Variants in METAP1D observed in about 807,000 individuals in gnomAD.
The protein encoded by METAP1D is methionyl aminopeptidase type 1D, mitochondrial, also known as methionine aminopeptidase 1D, mitochondrial.
Under a neutral mutation model 40.5 loss-of-function variants are expected in METAP1D, and 31 were observed. The ratio of observed to expected loss-of-function variants is 0.77; its 90% CI spans 0.58 to 1.03. The LOEUF is 1.03. Among genes scored for constraint, METAP1D ranks in the 50% least tolerant of loss-of-function variants. The pLI, the probability that METAP1D is intolerant of heterozygous loss-of-function variation, is 0.00. For synonymous variants in METAP1D, 151 were observed against 146.4 expected, an observed-to-expected ratio of 1.03 and a Z score of -0.22; for missense variants, 411 against 420.7, an observed-to-expected ratio of 0.98 and a Z score of 0.20.
At chr2:172,040,933 G>C (rs1689506399) in intron 1 of METAP1D, among the ~76,000 whole-genome samples, 1 of 151,510 alleles carries the variant, frequency 6.6e-6, no homozygotes, top group South Asian at 2.1e-4. Flanking sequence ...TTTTAGTAGA[G>C]ACGCCCGGCT....
chr2:172,026,648 C>T (rs1260417062), intron 1 of METAP1D, among the ~76,000 whole-genome samples: 4 of 152,166 alleles, frequency 2.6e-5, no homozygotes, highest in Non-Finnish European at 4.4e-5. Context: ...TTCTTGCTCT[C>T]ATATCTTAGT....
chr2:172,077,992 A>T, intron 7 of METAP1D, 98 bp downstream of exon 7: 4 of 436,050 alleles, frequency 9.2e-6, no homozygotes, highest in African/African-American at 4.6e-5. Context: ...CTGCATTATC[A>T]ACCTTGTGTT....
chr2:172,067,768 T>C (rs1690319423), intron 5 of METAP1D, among the ~76,000 whole-genome samples: 2 of 152,336 alleles, frequency 1.3e-5, no homozygotes, highest in East Asian at 3.9e-4. Flanking sequence ...AGTTTTGTAT[T>C]TAACATTCAA....
At chr2:172,011,801 A>G (rs1460324239) in intron 1 of METAP1D, among the ~76,000 whole-genome samples, 1 of 152,150 alleles carries the variant, frequency 6.6e-6, no homozygotes, top group Non-Finnish European at 1.5e-5. Context: ...CATTTGGGTC[A>G]TTTCTACTTT....
intron 1 of METAP1D, among the ~76,000 whole-genome samples, chr2:172,013,483 G>A (rs1378480571): frequency 1.3e-5 from 2 of 152,192 alleles, no homozygotes; most frequent in Non-Finnish European, 2.9e-5. Flanking sequence ...AAGTGAGAGC[G>A]AAGTAGTGTG....
At chr2:172,017,226 G>A (rs1688887720) in intron 1 of METAP1D, among the ~76,000 whole-genome samples, 1 of 130,208 alleles carries the variant, frequency 7.7e-6, no homozygotes. Flanking sequence ...CTTGTTCCAT[G>A]AAAGGTTTTA....
intron 1 of METAP1D, among the ~76,000 whole-genome samples, chr2:172,048,812 TATG>T (rs1352180696): frequency 6.6e-6 from 1 of 152,158 alleles, no homozygotes; most frequent in Non-Finnish European, 1.5e-5. Flanking sequence ...AAACTTTAAA[TATG>T]AGATGATGAA....
chr2:172,032,765 A>C (rs1459517577), intron 1 of METAP1D, among the ~76,000 whole-genome samples: 1 of 152,162 alleles, frequency 6.6e-6, no homozygotes, highest in African/African-American at 2.4e-5. Flanking sequence ...ATTCTTGCCA[A>C]AAAAATTGAA....
chr2:172,067,546 TACCTAAAAC>T (rs1690313659), intron 5 of METAP1D, among the ~76,000 whole-genome samples: 1 of 152,212 alleles, frequency 6.6e-6, no homozygotes, highest in African/African-American at 2.4e-5. Context: ...TTATGAAGTA[TACCTAAAAC>T]AGAGTTCTTT....
chr2:172,000,110 G>T, intron 1 of METAP1D, 101 bp downstream of exon 1: 1 of 1,014,294 alleles, frequency 9.9e-7, no homozygotes, highest in Non-Finnish European at 1.3e-6. Context: ...ACTTCTCGGC[G>T]CACACGACTG....
At chr2:172,079,624 C>G (rs568666627) in intron 8 of METAP1D, among the ~76,000 whole-genome samples, 2 of 152,260 alleles carry the variant, frequency 1.3e-5, no homozygotes, top group South Asian at 4.1e-4. Flanking sequence ...CCTGGCTGAT[C>G]CTGTGATTGG....
Position 172,042,736 on chromosome 2 carries a change from T to TGTGTGTGTATATGTACACATATAC in METAP1D, c.41-18753_41-18730dup, listed in dbSNP as rs1689613770. Among the ~76,000 whole-genome samples, 6 of 45,118 alleles carry TGTGTGTGTATATGTACACATATAC rather than the reference T, an allele frequency of 1.3e-4. 3 individuals carry two copies. Among genetic ancestry groups the TGTGTGTGTATATGTACACATATAC allele is most frequent in the Non-Finnish European group, 2.8e-4 (6 of 21,086 alleles). The allele number at this position is 45,118 out of a possible 152,430, so 29.6% of individuals were successfully genotyped here. A position where few individuals can be genotyped will look rare whatever the true frequency, so the allele number is the denominator to read the frequency against. On this transcript the variant is annotated intron_variant, in intron 1 of 9. Transcript: ENST00000315796. ...GTGTATATGTGTACACATATACGTGTGTGTGTGTATATGTACACATATACG... is the reference window on the plus strand; with the variant it reads ...GTGTATATGTGTACACATATACGTGTGTGTGTGTATATGTACACATATACGTGTGTGTATATGTACACATATACG...
chr2:172,050,308 C>T (rs531323144), intron 1 of METAP1D, among the ~76,000 whole-genome samples: 71 of 152,132 alleles, frequency 4.7e-4, no homozygotes, highest in Middle Eastern at 3.4e-3. Context: ...TATAAGCCCT[C>T]ATATCTTCTG....
intron 1 of METAP1D, among the ~76,000 whole-genome samples, chr2:172,016,771 C>T (rs1339208082): frequency 2.6e-5 from 4 of 152,150 alleles, no homozygotes; most frequent in Admixed American, 1.3e-4. Context: ...TCTCTGGCCT[C>T]ATCCCTTCAC....
intron 8 of METAP1D, among the ~76,000 whole-genome samples, chr2:172,079,775 T>C (rs1690654843): frequency 6.6e-6 from 1 of 152,232 alleles, no homozygotes; most frequent in East Asian, 1.9e-4. Context: ...TTTTTAAAAT[T>C]TAAATATTTT....
intron 1 of METAP1D, among the ~76,000 whole-genome samples, chr2:172,005,004 C>T (rs1574083146): frequency 6.6e-6 from 1 of 151,934 alleles, no homozygotes; most frequent in South Asian, 2.1e-4. Flanking sequence ...GTCACTACAG[C>T]CTCAACTTCC....
In METAP1D at chr2:172,043,521, C is replaced by T. The variant is rs1441505882; in HGVS notation, c.41-17977C>T. ...TACATGAAAGAACATAAAAATATGA[C>T]ATTAGACTATTATACTTCAATTTTT... On this transcript the variant is annotated intron_variant, in intron 1 of 9. Coordinates refer to ENST00000315796, the MANE Select transcript of METAP1D (RefSeq NM_199227.3). 2.2e-5 allele frequency among the ~76,000 whole-genome samples: 3 copies of T among 134,258 alleles called. 1 individual carries two copies. Among genetic ancestry groups the T allele is most frequent in the African/African-American group, 7.6e-5 (3 of 39,660 alleles). The allele number at this position is 134,258 out of a possible 152,430, so 88.1% of individuals were successfully genotyped here. A position where few individuals can be genotyped will look rare whatever the true frequency, so the allele number is the denominator to read the frequency against.
At chr2:172,048,490 A>T (rs1020898251) in intron 1 of METAP1D, among the ~76,000 whole-genome samples, 4 of 152,256 alleles carry the variant, frequency 2.6e-5, no homozygotes, top group African/African-American at 9.6e-5. Flanking sequence ...TAACTTGTTT[A>T]AGTAAACCAA....
At chr2:172,008,812 T>A (rs1688647678) in intron 1 of METAP1D, among the ~76,000 whole-genome samples, 1 of 152,176 alleles carries the variant, frequency 6.6e-6, no homozygotes, top group South Asian at 2.1e-4. Flanking sequence ...AGTTTTAGAC[T>A]ACATGTCTGA....
Sources: allele counts gnomAD v4.1 joint callset (sites outside exome capture counted in the v4.1 genomes callset), GRCh38; gene constraint gnomAD v4.1.1; transcripts MANE v1.5; gene names NCBI Gene and HGNC (gene_info 2026-07-23, HGNC 2026-07-21).